USPL1: variants seen among roughly 807,000 people sequenced by gnomAD.
USPL1 encodes ubiquitin specific peptidase like 1, also known as SUMO-specific isopeptidase USPL1.
A neutral mutation model predicts 51.5 loss-of-function variants in USPL1; 27 were observed. That is an observed-to-expected ratio of 0.52 (90% CI 0.39 to 0.72). USPL1 has a LOEUF of 0.72. USPL1 is among the 30% of genes least tolerant of loss of function. The pLI is 0.00. For missense variants in USPL1, 1,226 were observed against 1,268.0 expected (o/e 0.97, Z 0.50); for synonymous variants, 451 against 459.6 (o/e 0.98, Z 0.24).
chr13:30,659,065 G>T lies in USPL1; in HGVS notation c.2988G>T (p.Leu996Phe). 1 of 1,614,064 alleles carries T rather than the reference G, an allele frequency of 6.2e-7. No individual in the cohort carries two copies. Among genetic ancestry groups the T allele is most frequent in the South Asian group, 1.1e-5 (1 of 91,070 alleles). ...ATGGGGAAGGTGACTTTAGGTATTT[G>T]GGAATGGGAGATAGTCATATCCCAC... ...SENGEGDFRY[L>F]GMGDSHIPPP... The change falls in exon 9 of 9, where the codon TTG becomes TTT. Residue 996 changes from leucine to phenylalanine, a missense_variant. Physicochemically the swap from Leu to Phe is conservative, Grantham distance 22. Transcript: ENST00000255304.
intron 5 of USPL1, among the ~76,000 whole-genome samples, chr13:30,642,083 T>A (rs1458764467): frequency 6.6e-6 from 1 of 152,050 alleles, no homozygotes; most frequent in Admixed American, 6.6e-5. Flanking sequence ...ATTTATTTCA[T>A]TTTATTTTTT....
intron 5 of USPL1, among the ~76,000 whole-genome samples, chr13:30,638,547 A>G (rs1950905759): frequency 6.6e-6 from 1 of 152,240 alleles, no homozygotes; most frequent in East Asian, 1.9e-4. Context: ...AGTCTGTCCA[A>G]ACCTTTCTAA....
intron 4 of USPL1, among the ~76,000 whole-genome samples, chr13:30,635,359 T>G (rs891220354): frequency 2.0e-5 from 3 of 152,218 alleles, no homozygotes; most frequent in African/African-American, 7.2e-5. Context: ...GATCCATTTT[T>G]TTCCCATTTG....
At chr13:30,650,487 G>A (rs976303334) in intron 7 of USPL1, among the ~76,000 whole-genome samples, 1 of 150,878 alleles carries the variant, frequency 6.6e-6, no homozygotes, top group African/African-American at 2.4e-5. Flanking sequence ...TGAGACATTA[G>A]TACTGCTTGA....
At chr13:30,653,372 T>C in intron 8 of USPL1, 67 bp downstream of exon 8, 1 of 1,432,266 alleles carries the variant, frequency 7.0e-7, no homozygotes, top group Non-Finnish European at 9.3e-7. Flanking sequence ...TGTGGGGACT[T>C]TTTGGTTTTT....
rs150359325 is a variant in USPL1 at position 30,655,792 on chromosome 13, G to A, written c.1397-1682G>A. ...GAAAAAAATATAGTGCTTTGGGTGT[G>A]CACTGTTGTAATCCAAGGAATAGGA... On this transcript the variant is annotated intron_variant, in intron 8 of 8. Transcript: ENST00000255304. Among the ~76,000 whole-genome samples, 4 of 152,306 alleles carry A rather than the reference G, an allele frequency of 2.6e-5. No homozygotes were observed. In the East Asian group the frequency reaches 7.7e-4, roughly 29 times the overall value.
rs755570026 is a variant in USPL1, at chr13:30,657,588, T to C, written c.1511T>C (p.Val504Ala). 38 of 1,614,056 alleles carry C rather than the reference T, an allele frequency of 2.4e-5. No individual in the cohort carries two copies. In the Admixed American group the frequency reaches 6.2e-4, roughly 26 times the overall value. The change falls in exon 9 of 9, where the codon GTG (valine) becomes GCG (alanine). Residue 504 changes from valine to alanine, a missense_variant. By Grantham distance (64) the Val-to-Ala change is moderately conservative (BLOSUM62 0). Transcript: ENST00000255304. The part of the protein sequence containing the change: ...IVIWERKISQ[V>A]TDKEAACLPL... ...ATTTGGGAAAGAAAAATATCCCAAG[T>C]GACAGATAAAGAAGCTGCCTGCCTT...
rs776526090 is a variant in USPL1, at chr13:30,621,798, A to T, written c.134A>T (p.Tyr45Phe). ...TCAGCTAAAGTTCCATCAGATGAGTATTGCCCTGCTTGTAGAGAGAAGGGA... is the reference window on the plus strand; with the variant it reads ...TCAGCTAAAGTTCCATCAGATGAGTTTTGCCCTGCTTGTAGAGAGAAGGGA... Reference protein sequence around the residue: ...FDSAKVPSDEYCPACREKGKL... With the variant: ...FDSAKVPSDEFCPACREKGKL... Residue 45 changes from tyrosine (Y) to phenylalanine (F), a missense_variant, in exon 3 of 9, where the codon TAT (tyrosine) becomes TTT (phenylalanine). Physicochemically the swap from Tyr to Phe is conservative, Grantham distance 22 (BLOSUM62 3). Coordinates refer to ENST00000255304, the MANE Select transcript of USPL1 (RefSeq NM_005800.5). 1 of 1,580,690 alleles carries T rather than the reference A, an allele frequency of 6.3e-7. No homozygotes were observed. The highest frequency in any genetic ancestry group is 1.2e-5 in the South Asian group (1 of 84,776).
At chr13:30,642,217 T>C (rs963767273) in intron 5 of USPL1, among the ~76,000 whole-genome samples, 1 of 152,164 alleles carries the variant, frequency 6.6e-6, no homozygotes, top group African/African-American at 2.4e-5. Flanking sequence ...TGCCTTGGCC[T>C]CCCAGTGTGC....
intron 5 of USPL1, among the ~76,000 whole-genome samples, chr13:30,641,719 C>T (rs1047982919): frequency 1.3e-5 from 2 of 152,162 alleles, no homozygotes; most frequent in African/African-American, 4.8e-5. Context: ...AAGGATTAGA[C>T]TGAAAAGTTA....
At position 30,633,849 on chromosome 13, in the gene USPL1, C is replaced by T. The variant is rs990124009; in HGVS notation, c.868+2375C>T. 5.7e-4 allele frequency among the ~76,000 whole-genome samples: 80 copies of T among 139,600 alleles called. No homozygotes were observed. In the Middle Eastern group the frequency reaches 0.017, roughly 30 times the overall value. 91.6% of individuals were successfully genotyped at this position (139,600 alleles called of 152,430 possible). On this transcript the variant is annotated intron_variant, in intron 4 of 8. Coordinates refer to ENST00000255304, the MANE Select transcript of USPL1 (RefSeq NM_005800.5). ...CTCAACATGTTGCTGTCAGTTGGAA[C>T]ATTTGTTTCTGATCGTGTCTTCCAC...
At chr13:30,650,404 G>A (rs531459075) in intron 7 of USPL1, among the ~76,000 whole-genome samples, 7 of 151,306 alleles carry the variant, frequency 4.6e-5, no homozygotes, top group East Asian at 4.0e-4. Flanking sequence ...TGGTGAAACC[G>A]CATCTCTACT....
chr13:30,633,784 C>CAAAAAA (rs61682331), intron 4 of USPL1, among the ~76,000 whole-genome samples: 35 of 41,202 alleles, frequency 8.5e-4, no homozygotes, highest in African/African-American at 1.3e-3. Flanking sequence ...GACTCTGTCT[C>CAAAAAA]AAAAAAAAAA....
rs975249146 is a variant in USPL1 at position 30,658,743 on chromosome 13, G to A, written c.2666G>A (p.Arg889His). Residue 889 changes from arginine to histidine, a missense_variant, in exon 9 of 9, where the codon CGT (arginine) becomes CAT (histidine). Coordinates refer to ENST00000255304, the MANE Select transcript of USPL1 (RefSeq NM_005800.5). ...DLVEGQIHKLRLKLRKKLKAE... is the reference protein window; with the variant it reads ...DLVEGQIHKLHLKLRKKLKAE... ...GTGGAAGGTCAGATTCATAAACTTC[G>A]TCTAAAACTTCGTAAAAAGCTAAAG... The A allele has an allele frequency of 1.1e-5, 17 of 1,614,146 alleles. No individual in the cohort carries two copies. The highest frequency in any genetic ancestry group is 2.7e-5 in the African/African-American group (2 of 75,044).
intron 6 of USPL1, among the ~76,000 whole-genome samples, chr13:30,643,048 A>G (rs1024300143): frequency 3.3e-5 from 5 of 152,184 alleles, no homozygotes; most frequent in African/African-American, 1.2e-4. Flanking sequence ...TCTATTAGAA[A>G]TGAGGGGTTT....
At chr13:30,632,468 C>T (rs914772197) in intron 4 of USPL1, among the ~76,000 whole-genome samples, 3 of 134,110 alleles carry the variant, frequency 2.2e-5, no homozygotes, top group African/African-American at 5.9e-5. Flanking sequence ...GGCTGGAGTG[C>T]GATGGCATGA....
At chr13:30,631,532 A>G in intron 4 of USPL1, 58 bp downstream of exon 4, 4 of 1,481,644 alleles carry the variant, frequency 2.7e-6, no homozygotes, top group Non-Finnish European at 3.6e-6. Context: ...TCAGGGTCTC[A>G]TTCTGTCACC....
chr13:30,618,493 C>T (rs892105495), intron 1 of USPL1, among the ~76,000 whole-genome samples: 1 of 152,026 alleles, frequency 6.6e-6, no homozygotes, highest in Non-Finnish European at 1.5e-5. Flanking sequence ...GCCGAGCCTA[C>T]TCGCTCTCGG....
Position 30,657,623 on chromosome 13 carries a change from A to G in USPL1, c.1546A>G (p.Lys516Glu), listed in dbSNP as rs1298881919. 6.2e-7 allele frequency: 1 copy of G among 1,614,234 alleles called. No homozygotes were observed. Among genetic ancestry groups the G allele is most frequent in the East Asian group, 2.2e-5 (1 of 44,886 alleles). ...DKEAACLPLK[K>E]TNDQHALSNE... ...AGAAGCTGCCTGCCTTCCACTTAAA[A>G]AGACTAATGACCAACACGCTCTCAG... The change falls in exon 9 of 9, where the codon AAG becomes GAG. Residue 516 changes from lysine to glutamate, a missense_variant. Transcript: ENST00000255304.
Sources: gnomAD v4.1 joint callset for allele counts (sites outside exome capture counted in the v4.1 genomes callset) on GRCh38, gnomAD v4.1.1 for gene constraint, MANE v1.5 for transcripts, NCBI Gene and HGNC (gene_info 2026-07-23, HGNC 2026-07-21) for gene names.